Variants in CDYL2 observed in about 807,000 individuals in gnomAD.
CDYL2 encodes chromodomain Y-like protein 2.
CDYL2 carries 23 observed loss-of-function variants against 49.4 expected under a neutral mutation model. The ratio of observed to expected loss-of-function variants is 0.47; its 90% CI spans 0.34 to 0.66. CDYL2 has a LOEUF of 0.66. CDYL2 is among the 30% of genes least tolerant of loss of function. The pLI, the probability that CDYL2 is intolerant of heterozygous loss-of-function variation, is 0.01. For missense variants in CDYL2, 678 were observed against 656.4 expected (o/e 1.03, Z -0.36); for synonymous variants, 360 against 268.8 (o/e 1.34, Z -3.32).
intron 3 of CDYL2, among the ~76,000 whole-genome samples, chr16:80,624,973 A>AG (rs1907239791): frequency 6.6e-6 from 1 of 152,174 alleles, no homozygotes; most frequent in Non-Finnish European, 1.5e-5. Flanking sequence ...TTGGTGCTGT[A>AG]GGGATTCTAT....
chr16:80,607,752 T>C (rs543088173), intron 6 of CDYL2, among the ~76,000 whole-genome samples: 4 of 152,348 alleles, frequency 2.6e-5, no homozygotes, highest in Admixed American at 1.3e-4. Context: ...TTTTTATCCT[T>C]ATTGGCCGCT....
At chr16:80,694,561 G>C (rs1054396240) in intron 1 of CDYL2, among the ~76,000 whole-genome samples, 1 of 152,120 alleles carries the variant, frequency 6.6e-6, no homozygotes, top group Non-Finnish European at 1.5e-5. Context: ...CGGAGTAAGA[G>C]ATATCAGTAT....
At chr16:80,677,601 T>C (rs1043433498) in intron 2 of CDYL2, among the ~76,000 whole-genome samples, 2 of 151,768 alleles carry the variant, frequency 1.3e-5, no homozygotes, top group Non-Finnish European at 2.9e-5. Flanking sequence ...CAGCTGGGCA[T>C]GGTGGCAGGC....
chr16:80,757,216 G>A (rs1430068782), intron 1 of CDYL2, among the ~76,000 whole-genome samples: 2 of 152,078 alleles, frequency 1.3e-5, no homozygotes, highest in South Asian at 2.1e-4. Context: ...CTAAAAGAGA[G>A]TCACAAACAT....
At chr16:80,801,065 G>A (rs1055495817) in intron 1 of CDYL2, among the ~76,000 whole-genome samples, 4 of 152,220 alleles carry the variant, frequency 2.6e-5, no homozygotes, top group African/African-American at 9.6e-5. Context: ...TGCGTATGCA[G>A]CCTAGACCTG....
At chr16:80,679,491 A>T (rs1308770904) in intron 2 of CDYL2, among the ~76,000 whole-genome samples, 1 of 152,128 alleles carries the variant, frequency 6.6e-6, no homozygotes, top group East Asian at 1.9e-4. Context: ...CCTAATTCCA[A>T]CCTGGACACT....
intron 1 of CDYL2, among the ~76,000 whole-genome samples, chr16:80,773,044 G>C (rs1906959813): frequency 6.6e-6 from 1 of 151,964 alleles, no homozygotes; most frequent in Non-Finnish European, 1.5e-5. Flanking sequence ...AAACCTAACT[G>C]TATGCCATTT....
chr16:80,647,294 T>C (rs899685019), intron 2 of CDYL2, among the ~76,000 whole-genome samples: 1 of 152,140 alleles, frequency 6.6e-6, no homozygotes, highest in African/African-American at 2.4e-5. Context: ...CAAAGTAATC[T>C]ACAGATTCAA....
chr16:80,675,948 A>G (rs958170765), intron 2 of CDYL2, among the ~76,000 whole-genome samples: 4 of 152,160 alleles, frequency 2.6e-5, no homozygotes, highest in Non-Finnish European at 5.9e-5. Context: ...AGGTAGGAAA[A>G]GCAATTAGTT....
chr16:80,641,234 T>G (rs1305498524), intron 2 of CDYL2, among the ~76,000 whole-genome samples: 1 of 151,924 alleles, frequency 6.6e-6, no homozygotes, highest in South Asian at 2.1e-4. Context: ...TAGCACACAA[T>G]GTAGGAGCTT....
At chr16:80,722,766 A>G (rs1056486925) in intron 1 of CDYL2, among the ~76,000 whole-genome samples, 1 of 152,168 alleles carries the variant, frequency 6.6e-6, no homozygotes, top group African/African-American at 2.4e-5. Flanking sequence ...GGATGGATTA[A>G]CCACAGTCCA....
At chr16:80,786,082 GC>G (rs1178980510) in intron 1 of CDYL2, among the ~76,000 whole-genome samples, 2 of 152,116 alleles carry the variant, frequency 1.3e-5, no homozygotes, top group Non-Finnish European at 2.9e-5. Context: ...AACACCAAAA[GC>G]AATGGCAATA....
rs1038520172 is a variant in CDYL2, at chr16:80,603,719, T to G, written c.*669A>C. The G allele has an allele frequency of 6.5e-6, 1 of 152,684 alleles. No homozygotes were observed. The highest frequency in any genetic ancestry group is 2.4e-5 in the African/African-American group (1 of 41,456). 9.5% of individuals were successfully genotyped at this position (152,684 alleles called of 1,614,324 possible). ...AAAACATTTCCCTAGTAGTTTGTTT[T>G]TGCAAAACTAGCTTTACATATAATA... On this transcript the variant is annotated 3_prime_UTR_variant, in exon 7 of 7. Coordinates refer to ENST00000570137, the MANE Select transcript of CDYL2 (RefSeq NM_152342.4).
At chr16:80,793,214 G>A (rs1011637857) in intron 1 of CDYL2, among the ~76,000 whole-genome samples, 2 of 152,200 alleles carry the variant, frequency 1.3e-5, no homozygotes, top group Non-Finnish European at 2.9e-5. Flanking sequence ...GCAAATGGCA[G>A]AAGCAAATGC....
chr16:80,693,368 T>C (rs1910494524), intron 1 of CDYL2, among the ~76,000 whole-genome samples: 2 of 151,764 alleles, frequency 1.3e-5, no homozygotes. Context: ...AATGAGAAGA[T>C]GGAAATAAGG....
intron 1 of CDYL2, among the ~76,000 whole-genome samples, chr16:80,707,411 C>T (rs1006101739): frequency 3.9e-5 from 6 of 152,010 alleles, no homozygotes; most frequent in Non-Finnish European, 5.9e-5. Context: ...CAGTAAGCTA[C>T]GATCGTACCA....
intron 1 of CDYL2, among the ~76,000 whole-genome samples, chr16:80,798,093 T>G (rs767614999): frequency 6.6e-6 from 1 of 152,182 alleles, no homozygotes; most frequent in East Asian, 1.9e-4. Flanking sequence ...CAGGCTGGAG[T>G]GCAGTGGTGT....
At chr16:80,761,881 TA>T (rs371781974) in intron 1 of CDYL2, among the ~76,000 whole-genome samples, 23,216 of 122,386 alleles carry the variant, frequency 0.19, 2,078 homozygotes, top group African/African-American at 0.31. Context: ...AGGAGAAAAT[TA>T]AAAAAAAAAA....
chr16:80,739,563 C>T (rs1905660467), intron 1 of CDYL2, among the ~76,000 whole-genome samples: 1 of 152,290 alleles, frequency 6.6e-6, no homozygotes, highest in South Asian at 2.1e-4. Flanking sequence ...ATTCACACAG[C>T]AGCCGGGCAC....
Sources: gnomAD v4.1 joint callset for allele counts (sites outside exome capture counted in the v4.1 genomes callset) on GRCh38, gnomAD v4.1.1 for gene constraint, MANE v1.5 for transcripts, NCBI Gene and HGNC (gene_info 2026-07-23, HGNC 2026-07-21) for gene names.